The following FFAR4 variants were observed in gnomAD, a reference collection of about 807,000 sequenced individuals.
FFAR4 encodes the protein free fatty acid receptor 4.
In FFAR4, 19 loss-of-function variants were observed where a neutral mutation model predicts 27.0. That is an observed-to-expected ratio of 0.70 (90% CI 0.49 to 1.03). The LOEUF is 1.03. Among genes scored for constraint, FFAR4 ranks in the 50% least tolerant of loss-of-function variants. The pLI is 0.00. For missense variants in FFAR4, 476 were observed against 479.0 expected (o/e 0.99, Z 0.06); for synonymous variants, 254 against 215.6 (o/e 1.18, Z -1.56).
Position 93,589,765 on chromosome 10 carries a change from A to G in FFAR4, c.*2156A>G, listed in dbSNP as rs575902156. On this transcript the variant is annotated 3_prime_UTR_variant, in exon 3 of 3. Transcript: ENST00000371481. ...GTGTTTATAGACCTATGGTTTTATA[A>G]TACATCCCTTGGAGAGATAGAGAGA... 6.6e-6 allele frequency: 1 copy of G among 152,312 alleles called. No homozygotes were observed. Among genetic ancestry groups the G allele is most frequent in the African/African-American group, 2.4e-5 (1 of 41,568 alleles). 9.4% of individuals were successfully genotyped at this position (152,312 alleles called of 1,614,324 possible).
rs2058097449 is a variant in FFAR4, at chr10:93,566,698, C to T, written c.-23C>T. 1 of 1,503,356 alleles carries T rather than the reference C, an allele frequency of 6.7e-7. No individual in the cohort carries two copies. The highest frequency in any genetic ancestry group is 1.9e-5 in the Admixed American group (1 of 52,974). 93.1% of individuals were successfully genotyped at this position (1,503,356 alleles called of 1,614,324 possible). A position where few individuals can be genotyped will look rare whatever the true frequency, so the allele number is the denominator to read the frequency against. ...CCCAGATGAGCACTCTCTCAGACCG[C>T]TGCGGGCCGCCAGGCGCCGGGAATG... is the stretch of plus-strand genomic sequence containing the variant. On this transcript the variant is annotated 5_prime_UTR_variant, in exon 1 of 3. Transcript: ENST00000371481.
Position 93,587,841 on chromosome 10 carries a change from T to TAC in FFAR4, c.*232_*233insAC. ...TGGTTCATGCCTGTAATCCCAGCAG[T>TAC]TTGGGAGGCTGAGGTGGGTGGATCA... On this transcript the variant is annotated 3_prime_UTR_variant, in exon 3 of 3. Coordinates refer to ENST00000371481, the MANE Select transcript of FFAR4 (RefSeq NM_001195755.2). 1 of 430,562 alleles carries TAC rather than the reference T, an allele frequency of 2.3e-6. No individual in the cohort carries two copies. Among genetic ancestry groups the TAC allele is most frequent in the Non-Finnish European group, 4.2e-6 (1 of 238,084 alleles). The allele number at this position is 430,562 out of a possible 1,614,324, so 26.7% of individuals were successfully genotyped here.
intron 2 of FFAR4, among the ~76,000 whole-genome samples, chr10:93,583,990 G>T (rs748904149): frequency 2.6e-5 from 4 of 152,188 alleles, no homozygotes; most frequent in African/African-American, 4.8e-5. Context: ...ATCAGCCCTT[G>T]TGGGTCCCCC....
At chr10:93,580,589 G>A (rs1296395819) in intron 2 of FFAR4, among the ~76,000 whole-genome samples, 1 of 152,220 alleles carries the variant, frequency 6.6e-6, no homozygotes, top group Non-Finnish European at 1.5e-5. Flanking sequence ...CTCCCACACA[G>A]TAATAGAATA....
intron 1 of FFAR4, among the ~76,000 whole-genome samples, chr10:93,570,197 C>CAT (rs1375297019): frequency 2.0e-5 from 3 of 151,654 alleles, no homozygotes; most frequent in Non-Finnish European, 4.4e-5. Flanking sequence ...CTCACACACA[C>CAT]ACACACACAC....
In FFAR4 at chr10:93,579,673, C is replaced by T. The variant is rs2058187543; in HGVS notation, c.696+3454C>T. 2.6e-5 allele frequency among the ~76,000 whole-genome samples: 4 copies of T among 152,304 alleles called. 1 individual carries two copies. The South Asian group carries it at 8.3e-4, about 32-fold the overall frequency. On this transcript the variant is annotated intron_variant, in intron 2 of 2. Transcript: ENST00000371481. ...CTATATTCCTATGCCTAGATCAGAG[C>T]CTGGCTCATTCATTGTAGGTGCTCA...
At chr10:93,568,660 G>C (rs969662804) in intron 1 of FFAR4, among the ~76,000 whole-genome samples, 1 of 152,286 alleles carries the variant, frequency 6.6e-6, no homozygotes, top group Admixed American at 6.5e-5. Flanking sequence ...AGCTTCTCTG[G>C]GGGTTTTCCC....
chr10:93,572,370 G>A (rs972525702), intron 1 of FFAR4, among the ~76,000 whole-genome samples: 2 of 152,176 alleles, frequency 1.3e-5, no homozygotes, highest in Admixed American at 1.3e-4. Flanking sequence ...GAGGCCAAAG[G>A]AGCAGTGAGT....
At position 93,566,888 on chromosome 10, in the gene FFAR4, G is replaced by A. The variant is rs1442516066; in HGVS notation, c.168G>A (p.Leu56=). Residue 56 remains leucine (L), a synonymous_variant, in exon 1 of 3, where the codon CTG becomes CTA. Coordinates refer to ENST00000371481, the MANE Select transcript of FFAR4 (RefSeq NM_001195755.2). ...TGCTCATCTTTGCAGTGTCGCTGCT[G>A]GGCAACGTGTGCGCCCTGGTGCTGG... is the stretch of plus-strand genomic sequence containing the variant. The part of the protein sequence containing the change: ...VLVLIFAVSL[L]GNVCALVLVA... 3 of 1,605,236 alleles carry A rather than the reference G, an allele frequency of 1.9e-6. No individual in the cohort carries two copies. In the African/African-American group the frequency reaches 4.0e-5, roughly 21 times the overall value.
chr10:93,586,923 G>A (rs899505403), intron 2 of FFAR4, among the ~76,000 whole-genome samples: 1 of 152,140 alleles, frequency 6.6e-6, no homozygotes, highest in Non-Finnish European at 1.5e-5. Context: ...CAATTAAAGA[G>A]ACATCTCTTT....
At position 93,567,275 on chromosome 10, in the gene FFAR4, C is replaced by G; in HGVS notation, c.555C>G (p.Pro185=). ...VFFRVVPQRL[P]GADQEISICT... is the part of the protein sequence containing the mutation. ...TCCGAGTCGTCCCGCAACGGCTCCC[C>G]GGCGCCGACCAGGTGAGCGCCCCTC... The change falls in exon 1 of 3, where the codon CCC becomes CCG. Residue 185 remains proline, a synonymous_variant. Transcript: ENST00000371481. 10 of 1,598,882 alleles carry G rather than the reference C, an allele frequency of 6.3e-6. No individual in the cohort carries two copies. The highest frequency in any genetic ancestry group is 8.5e-6 in the Non-Finnish European group (10 of 1,179,428).
chr10:93,573,782 ATTAAAGTCACGGAAT>A, intron 1 of FFAR4, among the ~76,000 whole-genome samples: 1 of 152,212 alleles, frequency 6.6e-6, no homozygotes, highest in East Asian at 1.9e-4. Context: ...GAGCGTCTTT[ATTAAAGTCACGGAAT>A]TTGGGAGCTG....
intron 1 of FFAR4, among the ~76,000 whole-genome samples, chr10:93,571,315 T>A (rs1054876046): frequency 5.3e-5 from 8 of 152,222 alleles, no homozygotes; most frequent in Admixed American, 3.3e-4. Context: ...TAAGCACCCT[T>A]CCCCTCTTGC....
At chr10:93,567,702 G>T (rs1299140372) in intron 1 of FFAR4, among the ~76,000 whole-genome samples, 1 of 152,208 alleles carries the variant, frequency 6.6e-6, no homozygotes, top group East Asian at 1.9e-4. Flanking sequence ...ATAATAACTT[G>T]CCCAGAGTAT....
At chr10:93,586,458 C>A (rs577652083) in intron 2 of FFAR4, among the ~76,000 whole-genome samples, 1 of 152,022 alleles carries the variant, frequency 6.6e-6, no homozygotes, top group African/African-American at 2.4e-5. Context: ...AGCATGAGAA[C>A]GGAATAATAT....
intron 1 of FFAR4, among the ~76,000 whole-genome samples, chr10:93,572,175 C>T (rs2058135546): frequency 6.6e-6 from 1 of 152,146 alleles, no homozygotes; most frequent in African/African-American, 2.4e-5. Flanking sequence ...GTGGGGACTC[C>T]AGACAGGGAA....
intron 2 of FFAR4, chr10:93,579,320 A>C (rs45508497): frequency 1.2e-6 from 1 of 868,866 alleles, no homozygotes. Context: ...TCTCACCTTC[A>C]TATTTCACCC....
At position 93,589,149 on chromosome 10, in the gene FFAR4, G is replaced by A. The variant is rs1338091940; in HGVS notation, c.*1540G>A. Reference sequence around the variant, plus strand: ...TAGGCACTGCCTTTAATGCTGAGATGAGGGGTACCCGGCTGGGGCCTGTCA... The same window carrying A: ...TAGGCACTGCCTTTAATGCTGAGATAAGGGGTACCCGGCTGGGGCCTGTCA... On this transcript the variant is annotated 3_prime_UTR_variant, in exon 3 of 3. Transcript: ENST00000371481. 2 of 152,352 alleles carry A rather than the reference G, an allele frequency of 1.3e-5. No individual in the cohort carries two copies. The highest frequency in any genetic ancestry group is 6.5e-5 in the Admixed American group (1 of 15,288). 9.4% of individuals were successfully genotyped at this position (152,352 alleles called of 1,614,324 possible).
At position 93,567,276 on chromosome 10, in the gene FFAR4, G is replaced by C; in HGVS notation, c.556G>C (p.Gly186Arg). 1.3e-6 allele frequency: 2 copies of C among 1,598,818 alleles called. No individual in the cohort carries two copies. The highest frequency in any genetic ancestry group is 8.5e-7 in the Non-Finnish European group (1 of 1,179,432). ...CCGAGTCGTCCCGCAACGGCTCCCC[G>C]GCGCCGACCAGGTGAGCGCCCCTCT... ...FFRVVPQRLP[G>R]ADQEISICTL... The change falls in exon 1 of 3, where the codon GGC becomes CGC. Residue 186 changes from glycine (G) to arginine (R), a missense_variant. Physicochemically the swap from Gly to Arg is moderately radical, Grantham distance 125. Coordinates refer to ENST00000371481, the MANE Select transcript of FFAR4 (RefSeq NM_001195755.2).
Sources: gnomAD v4.1 joint callset for allele counts (sites outside exome capture counted in the v4.1 genomes callset) on GRCh38, gnomAD v4.1.1 for gene constraint, MANE v1.5 for transcripts, NCBI Gene and HGNC (gene_info 2026-07-23, HGNC 2026-07-21) for gene names.